Variants in FNDC3A observed in about 807,000 individuals in gnomAD.
The protein encoded by FNDC3A is fibronectin type-III domain-containing protein 3A.
A neutral mutation model predicts 148.9 loss-of-function variants in FNDC3A; 32 were observed. The ratio of observed to expected loss-of-function variants is 0.21; its 90% CI spans 0.16 to 0.29. FNDC3A has a LOEUF of 0.29. Ranked by LOEUF, FNDC3A falls within the 10% of genes least tolerant of loss-of-function variation. FNDC3A has a pLI of 1.00. For missense variants in FNDC3A, 1,191 were observed against 1,452.8 expected (o/e 0.82, Z 2.93); for synonymous variants, 472 against 473.6 (o/e 1.00, Z 0.04).
intron 2 of FNDC3A, among the ~76,000 whole-genome samples, chr13:49,019,422 G>A (rs903286142): frequency 2.6e-5 from 4 of 152,228 alleles, no homozygotes; most frequent in African/African-American, 9.6e-5. Flanking sequence ...CTGACCCCTT[G>A]TGCTTCCGGA....
chr13:49,027,371 C>T (rs1222130666), intron 2 of FNDC3A, among the ~76,000 whole-genome samples: 1 of 152,148 alleles, frequency 6.6e-6, no homozygotes, highest in Non-Finnish European at 1.5e-5. Flanking sequence ...TCCTTACATT[C>T]AGTAGGAATG....
chr13:49,092,500 C>G (rs1193908898), intron 3 of FNDC3A, among the ~76,000 whole-genome samples: 1 of 152,136 alleles, frequency 6.6e-6, no homozygotes, highest in Non-Finnish European at 1.5e-5. Flanking sequence ...GTCTGCCTTT[C>G]CCAGCCCACT....
At chr13:49,016,330 G>C (rs1263353891) in intron 2 of FNDC3A, among the ~76,000 whole-genome samples, 1 of 152,018 alleles carries the variant, frequency 6.6e-6, no homozygotes, top group African/African-American at 2.4e-5. Context: ...GTTTAGTCTT[G>C]GGAGAGTGTA....
intron 4 of FNDC3A, among the ~76,000 whole-genome samples, chr13:49,121,027 A>G (rs1368564215): frequency 2.6e-5 from 4 of 152,180 alleles, no homozygotes; most frequent in Admixed American, 2.6e-4. Flanking sequence ...TCCACCCCAA[A>G]TCCACACAAT....
At chr13:49,139,726 A>G (rs1022880035) in intron 7 of FNDC3A, among the ~76,000 whole-genome samples, 6 of 152,228 alleles carry the variant, frequency 3.9e-5, no homozygotes, top group African/African-American at 1.4e-4. Context: ...ATTATTTCAT[A>G]GTAATGGTTA....
chr13:49,059,029 A>C (rs1221342403), intron 2 of FNDC3A, among the ~76,000 whole-genome samples: 3 of 152,202 alleles, frequency 2.0e-5, no homozygotes, highest in African/African-American at 7.2e-5. Context: ...GCTCAGAACA[A>C]TTTGTCATGT....
intron 1 of FNDC3A, among the ~76,000 whole-genome samples, chr13:48,998,551 A>G (rs528008498): frequency 6.4e-4 from 97 of 152,338 alleles, no homozygotes; most frequent in African/African-American, 2.0e-3. Flanking sequence ...GAGTAAGCAA[A>G]TATTCCAAAA....
chr13:49,201,514 A>G (rs1478982431), intron 23 of FNDC3A, among the ~76,000 whole-genome samples: 2 of 152,150 alleles, frequency 1.3e-5, no homozygotes, highest in East Asian at 3.8e-4. Flanking sequence ...AAACAAAGCT[A>G]AACCGGAAGC....
chr13:49,022,042 C>A (rs769686425), intron 2 of FNDC3A, among the ~76,000 whole-genome samples: 1 of 152,062 alleles, frequency 6.6e-6, no homozygotes, highest in Non-Finnish European at 1.5e-5. Flanking sequence ...GTATTTTTTT[C>A]ATCTGACTCA....
intron 23 of FNDC3A, among the ~76,000 whole-genome samples, chr13:49,199,217 C>CATAGCGACATAGTGAGAG (rs1566326217): frequency 2.0e-5 from 3 of 152,028 alleles, no homozygotes; most frequent in African/African-American, 7.3e-5. Context: ...GATGGGGTTT[C>CATAGCGACATAGTGAGAG]ACCATGTCGC....
At chr13:49,017,806 A>C (rs1308746934) in intron 2 of FNDC3A, among the ~76,000 whole-genome samples, 2 of 151,596 alleles carry the variant, frequency 1.3e-5, no homozygotes, top group South Asian at 2.1e-4. Flanking sequence ...GGTGGTGACA[A>C]AATCTCTCAG....
At chr13:49,026,647 G>A (rs1873737096) in intron 2 of FNDC3A, among the ~76,000 whole-genome samples, 1 of 152,102 alleles carries the variant, frequency 6.6e-6, no homozygotes, top group African/African-American at 2.4e-5. Context: ...AGAACTACAG[G>A]CATATGCCAC....
In FNDC3A at chr13:49,038,375, C is replaced by A. The variant is rs182672662; in HGVS notation, c.99+32086C>A. Among the ~76,000 whole-genome samples the A allele has an allele frequency of 5.2e-3, 796 of 152,232 alleles. 4 individuals carry two copies. The highest frequency in any genetic ancestry group is 8.7e-3 in the Non-Finnish European group (590 of 68,010). On this transcript the variant is annotated intron_variant, in intron 2 of 25. Coordinates refer to ENST00000492622, the MANE Select transcript of FNDC3A (RefSeq NM_001079673.2). ...CTGTCTCCTGTCCATATCATTTTCC[C>A]CCTCTAAAGAGAGGGTGAGCCCTAA...
chr13:49,167,708 A>G (rs1388676081), intron 9 of FNDC3A, among the ~76,000 whole-genome samples: 2 of 151,468 alleles, frequency 1.3e-5, no homozygotes, highest in African/African-American at 4.9e-5. Flanking sequence ...CTTGTCTCAA[A>G]CAAAAAAAAA....
intron 2 of FNDC3A, among the ~76,000 whole-genome samples, chr13:49,056,831 G>A (rs1593526660): frequency 6.6e-6 from 1 of 152,126 alleles, no homozygotes; most frequent in East Asian, 1.9e-4. Context: ...TGTGTCTTCA[G>A]ATATTTAGAC....
intron 3 of FNDC3A, among the ~76,000 whole-genome samples, chr13:49,085,604 T>A (rs1050340874): frequency 1.1e-4 from 17 of 152,200 alleles, no homozygotes; most frequent in African/African-American, 3.6e-4. Context: ...TCACTACAAC[T>A]TTTGCTGCAG....
chr13:49,178,514 C>G, intron 13 of FNDC3A, 54 bp from the exon 14 acceptor site: 1 of 1,059,578 alleles, frequency 9.4e-7, no homozygotes. Flanking sequence ...TTCATTATTG[C>G]CCATATTTCT....
intron 8 of FNDC3A, among the ~76,000 whole-genome samples, chr13:49,147,647 G>C (rs1402756399): frequency 6.6e-6 from 1 of 152,070 alleles, no homozygotes; most frequent in East Asian, 1.9e-4. Flanking sequence ...TGGACACTTA[G>C]GTTGATCTAT....
chr13:49,030,856 G>GT (rs1874060032), intron 2 of FNDC3A, among the ~76,000 whole-genome samples: 1 of 152,074 alleles, frequency 6.6e-6, no homozygotes, highest in South Asian at 2.1e-4. Flanking sequence ...AATTAAGGAA[G>GT]ACTTAAACAA....
Sources: allele counts gnomAD v4.1 joint callset (sites outside exome capture counted in the v4.1 genomes callset), GRCh38; gene constraint gnomAD v4.1.1; transcripts MANE v1.5; gene names NCBI Gene and HGNC (gene_info 2026-07-23, HGNC 2026-07-21).